The following DGKB variants were observed in gnomAD, a reference collection of about 807,000 sequenced individuals.
DGKB encodes 90 kDa diacylglycerol kinase.
Under a neutral mutation model 114.3 loss-of-function variants are expected in DGKB, and 67 were observed. The ratio of observed to expected loss-of-function variants is 0.59; its 90% confidence interval spans 0.48 to 0.72. The LOEUF (loss-of-function observed/expected upper bound fraction) is 0.72. DGKB is among the 30% of genes least tolerant of loss of function. The pLI is 0.00. For missense variants in DGKB, 907 were observed against 975.2 expected (o/e 0.93, Z 0.93); for synonymous variants, 398 against 323.1 (o/e 1.23, Z -2.49).
Position 14,547,240 on chromosome 7 carries a change from C to T in DGKB, c.1770+26972G>A, listed in dbSNP as rs1794428181. Among the ~76,000 whole-genome samples, 3 of 152,158 alleles carry T rather than the reference C, an allele frequency of 2.0e-5. No homozygotes were observed. The South Asian group carries it at 6.2e-4, about 32-fold the overall frequency. On this transcript the variant is annotated intron_variant, in intron 20 of 25. Coordinates refer to ENST00000402815, the MANE Select transcript of DGKB (RefSeq NM_001350709.2). ...ACATCCTCAAAGAAAACAAAATAAACCTGCTACATCCTGTGCCAGGGATAA... is the reference window on the plus strand; with the variant it reads ...ACATCCTCAAAGAAAACAAAATAAATCTGCTACATCCTGTGCCAGGGATAA...
At chr7:14,320,713 C>T (rs538778928) in intron 23 of DGKB, among the ~76,000 whole-genome samples, 1 of 152,088 alleles carries the variant, frequency 6.6e-6, no homozygotes, top group East Asian at 1.9e-4. Flanking sequence ...TTATGGTCTG[C>T]ATCTGACACA....
chr7:14,220,711 G>A (rs988276156), intron 23 of DGKB, among the ~76,000 whole-genome samples: 1 of 151,514 alleles, frequency 6.6e-6, no homozygotes, highest in Non-Finnish European at 1.5e-5. Context: ...TCAAGTTGGT[G>A]AGCATTGCCA....
chr7:14,281,219 T>C (rs2128454987), intron 23 of DGKB, among the ~76,000 whole-genome samples: 1 of 151,832 alleles, frequency 6.6e-6, no homozygotes, highest in African/African-American at 2.4e-5. Context: ...TCCTAGTCTC[T>C]GATAAAACAG....
In DGKB at chr7:14,289,138, T is replaced by C. The variant is rs139436060; in HGVS notation, c.2122+49377A>G. Reference sequence around the variant, plus strand: ...AAAATGACTATAGATTTGAAGGCAATTGATCGACTTAATATTAAACTCAAT... The same window carrying C: ...AAAATGACTATAGATTTGAAGGCAACTGATCGACTTAATATTAAACTCAAT... On this transcript the variant is annotated intron_variant, in intron 23 of 25. Transcript: ENST00000402815. Among the ~76,000 whole-genome samples, 34 of 152,278 alleles carry C rather than the reference T, an allele frequency of 2.2e-4. No individual in the cohort carries two copies. The East Asian group carries it at 6.0e-3, about 27-fold the overall frequency.
At chr7:14,763,189 T>G (rs1169537314) in intron 2 of DGKB, among the ~76,000 whole-genome samples, 1 of 152,080 alleles carries the variant, frequency 6.6e-6, no homozygotes, top group Non-Finnish European at 1.5e-5. Flanking sequence ...CCGCCAATGT[T>G]GAGTGAAGTT....
intron 17 of DGKB, among the ~76,000 whole-genome samples, chr7:14,589,129 G>A (rs1169625074): frequency 2.0e-5 from 3 of 151,602 alleles, no homozygotes; most frequent in Non-Finnish European, 2.9e-5. Flanking sequence ...TTTATTCTTC[G>A]TTGTTTTGTG....
At chr7:14,354,645 G>T (rs1814113146) in intron 21 of DGKB, among the ~76,000 whole-genome samples, 1 of 152,116 alleles carries the variant, frequency 6.6e-6, no homozygotes, top group African/African-American at 2.4e-5. Context: ...AGCAAATTGA[G>T]AGCCTTCTTT....
At position 14,176,856 on chromosome 7, in the gene DGKB, T is replaced by C; in HGVS notation, c.2287A>G (p.Met763Val). 6 of 1,613,886 alleles carry C rather than the reference T, an allele frequency of 3.7e-6. No homozygotes were observed. The highest frequency in any genetic ancestry group is 5.1e-6 in the Non-Finnish European group (6 of 1,179,786). ...GTACTCACTGTGCATGGGGTCTGCA[T>C]CCATGGCTCCCCATCAATTTGCATT... Reference protein sequence around the residue: ...LPMQIDGEPWMQTPCTIKITH... With the variant: ...LPMQIDGEPWVQTPCTIKITH... The change falls in exon 25 of 26, where the codon ATG becomes GTG. Residue 763 changes from methionine (M) to valine (V), a missense_variant. Physicochemically the swap from Met to Val is conservative, Grantham distance 21 (BLOSUM62 1). Coordinates refer to ENST00000402815, the MANE Select transcript of DGKB (RefSeq NM_001350709.2).
chr7:14,230,621 T>C (rs1791567850), intron 23 of DGKB, among the ~76,000 whole-genome samples: 1 of 152,066 alleles, frequency 6.6e-6, no homozygotes, highest in Non-Finnish European at 1.5e-5. Context: ...TGCCACATTT[T>C]ATTATGACTC....
At chr7:14,657,167 A>G (rs2128914391) in intron 13 of DGKB, among the ~76,000 whole-genome samples, 1 of 151,822 alleles carries the variant, frequency 6.6e-6, no homozygotes, top group East Asian at 1.9e-4. Flanking sequence ...TACATGAAGA[A>G]TATTTTAAAC....
intron 25 of DGKB, 101 bp downstream of exon 25, chr7:14,176,738 G>C (rs1180460754): frequency 9.7e-6 from 15 of 1,548,360 alleles, no homozygotes; most frequent in Middle Eastern, 3.5e-4. Context: ...TTGCTGATAG[G>C]TTGAAAAGAA....
At chr7:14,264,679 AC>A (rs1797238501) in intron 23 of DGKB, among the ~76,000 whole-genome samples, 2 of 152,274 alleles carry the variant, frequency 1.3e-5, no homozygotes, top group Admixed American at 6.5e-5. Flanking sequence ...AGTCCCTGAG[AC>A]AACACAGAAA....
intron 14 of DGKB, among the ~76,000 whole-genome samples, chr7:14,622,646 C>T (rs1314748388): frequency 6.6e-6 from 1 of 152,130 alleles, no homozygotes; most frequent in Non-Finnish European, 1.5e-5. Context: ...GCTTAAACAT[C>T]CATTATCTTT....
At chr7:14,514,178 T>A (rs1563369989) in intron 20 of DGKB, among the ~76,000 whole-genome samples, 1 of 152,090 alleles carries the variant, frequency 6.6e-6, no homozygotes. Flanking sequence ...ATTTTTATAA[T>A]CTCTTTCTAA....
chr7:14,637,569 C>T (rs1050400059), intron 13 of DGKB, among the ~76,000 whole-genome samples: 28 of 150,868 alleles, frequency 1.9e-4, no homozygotes, highest in African/African-American at 5.8e-4. Context: ...CATGTATATA[C>T]TTGTGATTAC....
intron 12 of DGKB, among the ~76,000 whole-genome samples, chr7:14,679,654 A>G (rs931848946): frequency 1.3e-5 from 2 of 152,056 alleles, no homozygotes; most frequent in African/African-American, 2.4e-5. Flanking sequence ...CATTACTCCC[A>G]TAACTTCTGC....
intron 21 of DGKB, among the ~76,000 whole-genome samples, chr7:14,437,008 A>C (rs1829383558): frequency 6.6e-6 from 1 of 152,030 alleles, no homozygotes; most frequent in African/African-American, 2.4e-5. Flanking sequence ...CTCCATTGGC[A>C]TTTGGCATTT....
At chr7:14,203,095 T>G (rs1019915410) in intron 23 of DGKB, among the ~76,000 whole-genome samples, 1 of 135,228 alleles carries the variant, frequency 7.4e-6, no homozygotes, top group African/African-American at 3.0e-5. Context: ...GTGTGCAACG[T>G]GAAAAAAAAT....
chr7:14,532,783 G>A (rs972348968), intron 20 of DGKB, among the ~76,000 whole-genome samples: 23 of 151,586 alleles, frequency 1.5e-4, no homozygotes, highest in Non-Finnish European at 4.4e-5. Context: ...ATATACACTA[G>A]AACTGACATA....
Sources: allele counts gnomAD v4.1 joint callset (sites outside exome capture counted in the v4.1 genomes callset), GRCh38; gene constraint gnomAD v4.1.1; transcripts MANE v1.5; gene names NCBI Gene and HGNC (gene_info 2026-07-23, HGNC 2026-07-21).